Variants in TNRC18 observed in about 807,000 individuals in gnomAD.
The protein encoded by TNRC18 is trinucleotide repeat-containing gene 18 protein.
A neutral mutation model predicts 226.7 loss-of-function variants in TNRC18; 69 were observed. The observed-to-expected ratio is 0.30, with a 90% confidence interval of 0.25 to 0.37. TNRC18 has a LOEUF of 0.37. TNRC18 is among the 10% of genes least tolerant of loss of function. The pLI, the probability that TNRC18 is intolerant of heterozygous loss-of-function variation, is 1.00. For synonymous variants in TNRC18, 2,449 were observed against 1,927.6 expected (o/e 1.27, Z -7.09); for missense variants, 4,754 against 4,256.6 (o/e 1.12, Z -3.25).
At chr7:5,420,270 T>A in intron 2 of TNRC18, 4 of 401,196 alleles carry the variant, frequency 1.0e-5, no homozygotes, top group Non-Finnish European at 5.0e-6. Flanking sequence ...CAGCTCGATG[T>A]GAGACCCAGG....
At chr7:5,399,693 G>A (rs995880559) in intron 2 of TNRC18, among the ~76,000 whole-genome samples, 2 of 151,146 alleles carry the variant, frequency 1.3e-5, no homozygotes, top group South Asian at 2.1e-4. Flanking sequence ...GCAACAGTGC[G>A]ACACTGTGTC....
Position 5,308,989 on chromosome 7 carries a change from G to T in TNRC18, c.8626-40C>A, listed in dbSNP as rs770705047. On this transcript the variant is annotated intron_variant, in intron 28 of 29. Transcript: ENST00000430969. ...GAGGAGGGGCTTGGGTGAGCCCGGGGGCTGCTGCACCCGACCCCAGGCCCC... is the reference window on the plus strand; with the variant it reads ...GAGGAGGGGCTTGGGTGAGCCCGGGTGCTGCTGCACCCGACCCCAGGCCCC... The T allele has an allele frequency of 5.6e-5, 88 of 1,570,864 alleles. 1 individual carries two copies. Among genetic ancestry groups the T allele is most frequent in the South Asian group, 4.2e-4 (36 of 86,442 alleles).
chr7:5,365,788 G>A (rs2128166481), intron 11 of TNRC18, among the ~76,000 whole-genome samples: 1 of 151,610 alleles, frequency 6.6e-6, no homozygotes, highest in South Asian at 2.1e-4. Flanking sequence ...ACCAATTTTT[G>A]GCTGGGTGTG....
At chr7:5,348,806 G>A (rs551335079) in intron 17 of TNRC18, among the ~76,000 whole-genome samples, 1 of 152,140 alleles carries the variant, frequency 6.6e-6, no homozygotes, top group African/African-American at 2.4e-5. Flanking sequence ...GCACACTTGC[G>A]ATCATTCACA....
intron 2 of TNRC18, among the ~76,000 whole-genome samples, chr7:5,416,529 G>A (rs2128222410): frequency 6.6e-6 from 1 of 152,078 alleles, no homozygotes; most frequent in Non-Finnish European, 1.5e-5. Flanking sequence ...GAGACCAGCT[G>A]GACAACATAG....
intron 18 of TNRC18, among the ~76,000 whole-genome samples, chr7:5,342,443 A>AG (rs913723510): frequency 2.0e-5 from 3 of 152,012 alleles, no homozygotes; most frequent in Non-Finnish European, 4.4e-5. Flanking sequence ...AAAAAAAAAA[A>AG]GAAAAAAAGA....
At position 5,309,041 on chromosome 7, in the gene TNRC18, G is replaced by A. The variant is rs1357634253; in HGVS notation, c.8625+91C>T. 9 of 1,498,218 alleles carry A rather than the reference G, an allele frequency of 6.0e-6. No individual in the cohort carries two copies. The highest frequency in any genetic ancestry group is 1.4e-5 in the African/African-American group (1 of 72,156). 92.8% of individuals were successfully genotyped at this position (1,498,218 alleles called of 1,614,324 possible). A position where few individuals can be genotyped will look rare whatever the true frequency, so the allele number is the denominator to read the frequency against. Reference sequence around the variant, plus strand: ...GGACAGGGCTGACCCACTGGGCAGGGCTGCTGATGCTCCAGCACCCAGAAC... The same window carrying A: ...GGACAGGGCTGACCCACTGGGCAGGACTGCTGATGCTCCAGCACCCAGAAC... On this transcript the variant is annotated intron_variant, in intron 28 of 29. Coordinates refer to ENST00000430969, the MANE Select transcript of TNRC18 (RefSeq NM_001080495.3). This position sits in a 1 kb window ranked among gnomAD's most constrained non-coding sequence, Gnocchi z 5.7.
Position 5,347,541 on chromosome 7 carries a change from T to C in TNRC18, c.5471-1731A>G, listed in dbSNP as rs547613365. On this transcript the variant is annotated intron_variant, in intron 17 of 29. Coordinates refer to ENST00000430969, the MANE Select transcript of TNRC18 (RefSeq NM_001080495.3). ...TTAGCCAGGCGTGGTGGCTTACACC[T>C]GCAGTCCTGGCAACTCCGGAGGCAG... 2.6e-4 allele frequency among the ~76,000 whole-genome samples: 40 copies of C among 151,750 alleles called. 1 individual carries two copies. Among genetic ancestry groups the C allele is most frequent in the African/African-American group, 8.5e-4 (35 of 41,416 alleles).
At chr7:5,345,517 G>GGGGGGGCCCCCCCCCCCCCCCCCCCCC in intron 18 of TNRC18, 45 bp downstream of exon 18, 1 of 377,742 alleles carries the variant, frequency 2.6e-6, no homozygotes. Flanking sequence ...AATGGCGTCC[G>GGGGGGGCCCCCCCCCCCCCCCCCCCCC]CCCCTCCCAC....
chr7:5,362,799 G>T lies in TNRC18; in HGVS notation c.4246C>A (p.Pro1416Thr). The T allele has an allele frequency of 6.4e-7, 1 of 1,566,252 alleles. No homozygotes were observed. Among genetic ancestry groups the T allele is most frequent in the Non-Finnish European group, 8.6e-7 (1 of 1,156,442 alleles). The change falls in exon 12 of 30, where the codon CCC becomes ACC. Residue 1416 changes from proline (P) to threonine (T), a missense_variant. By Grantham distance (38) the Pro-to-Thr change is conservative. Coordinates refer to ENST00000430969, the MANE Select transcript of TNRC18 (RefSeq NM_001080495.3). ...GGAERALVAR[P>T]SLESLLAAGS... ...GCTGCCAGCAGACTCTCCAGGGAGGGCCGCGCCACCAGGGCCCGCTCCGCA... is the reference window on the plus strand; with the variant it reads ...GCTGCCAGCAGACTCTCCAGGGAGGTCCGCGCCACCAGGGCCCGCTCCGCA...
Position 5,374,201 on chromosome 7 carries a change from C to T in TNRC18, c.3083G>A (p.Ser1028Asn). 2.7e-6 allele frequency: 2 copies of T among 738,476 alleles called. No homozygotes were observed. Among genetic ancestry groups the T allele is most frequent in the South Asian group, 4.7e-5 (1 of 21,210 alleles). The allele number at this position is 738,476 out of a possible 1,614,324, so 45.7% of individuals were successfully genotyped here. The change falls in exon 10 of 30, where the codon AGC becomes AAC. Residue 1028 changes from serine (S) to asparagine (N), a missense_variant. Coordinates refer to ENST00000430969, the MANE Select transcript of TNRC18 (RefSeq NM_001080495.3). Reference protein sequence around the residue: ...PPAYAYPATPSSHPTSPPPAS... With the variant: ...PPAYAYPATPNSHPTSPPPAS... ...GGGCGGCGGGCTGGTGGGGTGGGAG[C>T]TGGGGGTGGCGGGGTAGGCGTAGGC...
chr7:5,320,991 A>T (rs559334307), intron 22 of TNRC18, 82 bp downstream of exon 22: 103 of 1,003,792 alleles, frequency 1.0e-4, no homozygotes, highest in Admixed American at 7.4e-4. Flanking sequence ...CAGAAAGGAG[A>T]AGCAGCCAGG....
Position 5,376,117 on chromosome 7 carries a change from G to C in TNRC18, c.2716C>G (p.His906Asp). 6.3e-7 allele frequency: 1 copy of C among 1,590,990 alleles called. No individual in the cohort carries two copies. The highest frequency in any genetic ancestry group is 8.5e-7 in the Non-Finnish European group (1 of 1,169,662). Residue 906 changes from histidine to aspartate, a missense_variant, in exon 9 of 30, where the codon CAC becomes GAC. Physicochemically the swap from His to Asp is moderately conservative, Grantham distance 81. Coordinates refer to ENST00000430969, the MANE Select transcript of TNRC18 (RefSeq NM_001080495.3). The part of the protein sequence containing the change: ...AQQLQLFSQQ[H>D]FLRQQEFLYL... ...AGGAACTCCTGCTGCCGCAGGAAGTGCTGCTGTGAGAAGAGCTGCAGCTGC... is the reference window on the plus strand; with the variant it reads ...AGGAACTCCTGCTGCCGCAGGAAGTCCTGCTGTGAGAAGAGCTGCAGCTGC...
At position 5,308,157 on chromosome 7, in the gene TNRC18, C is replaced by G; in HGVS notation, c.8856G>C (p.Glu2952Asp). Residue 2952 changes from glutamate to aspartate, a missense_variant, in exon 30 of 30, where the codon GAG becomes GAC. Transcript: ENST00000430969. Reference sequence around the variant, plus strand: ...TGGAGAAGATCATGCCCGTGGTGGGCTCGTAGGTGCCCGCGAGGTAGTACA... The same window carrying G: ...TGGAGAAGATCATGCCCGTGGTGGGGTCGTAGGTGCCCGCGAGGTAGTACA... ...EGLYYLAGTY[E>D]PTTGMIFSTD... 1 of 1,573,918 alleles carries G rather than the reference C, an allele frequency of 6.4e-7. No individual in the cohort carries two copies. The highest frequency in any genetic ancestry group is 8.6e-7 in the Non-Finnish European group (1 of 1,160,818).
intron 11 of TNRC18, among the ~76,000 whole-genome samples, chr7:5,369,076 G>A (rs1337768514): frequency 1.3e-5 from 2 of 152,154 alleles, no homozygotes; most frequent in Admixed American, 6.5e-5. Context: ...GGCTGGGAGC[G>A]GTGGCTCACA....
intron 19 of TNRC18, among the ~76,000 whole-genome samples, chr7:5,331,133 A>T (rs1366546826): frequency 1.3e-5 from 2 of 152,154 alleles, no homozygotes; most frequent in Admixed American, 6.6e-5. Context: ...CTTTGTCAGG[A>T]AATCAATGTG....
intron 2 of TNRC18, among the ~76,000 whole-genome samples, chr7:5,411,865 T>C (rs887546348): frequency 2.6e-5 from 4 of 151,902 alleles, no homozygotes; most frequent in Admixed American, 1.3e-4. Context: ...CCAATAGATA[T>C]GACAAGTGAA....
chr7:5,382,385 G>A (rs894026552), intron 5 of TNRC18, among the ~76,000 whole-genome samples: 9 of 152,148 alleles, frequency 5.9e-5, no homozygotes, highest in Admixed American at 2.0e-4. Context: ...AAAAGCCCCC[G>A]AGTCTGCAGC....
chr7:5,388,413 C>T lies in TNRC18; in HGVS notation c.1411G>A (p.Asp471Asn). 2.0e-6 allele frequency: 3 copies of T among 1,491,224 alleles called. No individual in the cohort carries two copies. The South Asian group carries it at 3.8e-5, about 19-fold the overall frequency. 92.4% of individuals were successfully genotyped at this position (1,491,224 alleles called of 1,614,324 possible). ...GGCGCACGCTCGCAGGGCCTCGGGT[C>T]CGCCTCGGGCTTGAGCAGCTCCTTG... ...PAKELLKPEA[D>N]PRPCERAPRG... is the part of the protein sequence containing the mutation. The change falls in exon 5 of 30, where the codon GAC (aspartate) becomes AAC (asparagine). Residue 471 changes from aspartate (D) to asparagine (N), a missense_variant. Transcript: ENST00000430969.
Sources: gnomAD v4.1 joint callset for allele counts (sites outside exome capture counted in the v4.1 genomes callset) on GRCh38, gnomAD v4.1.1 for gene constraint, Gnocchi (gnomAD v3.1) non-coding constraint, MANE v1.5 for transcripts, NCBI Gene and HGNC (gene_info 2026-07-23, HGNC 2026-07-21) for gene names.